RBFOX1: variants seen among roughly 807,000 people sequenced by gnomAD.
The protein encoded by RBFOX1 is RNA binding protein fox-1 homolog 1.
Under a neutral mutation model 57.7 loss-of-function variants are expected in RBFOX1, and 8 were observed. That is an observed-to-expected ratio of 0.14 (90% CI 0.08 to 0.25). The LOEUF (loss-of-function observed/expected upper bound fraction) is 0.25, where lower values mean the gene tolerates loss of function less well. Among genes scored for constraint, RBFOX1 ranks in the 10% least tolerant of loss-of-function variants. The pLI, the probability that RBFOX1 is intolerant of heterozygous loss-of-function variation, is 1.00. For missense variants in RBFOX1, 611 were observed against 548.5 expected (o/e 1.11, Z -1.14); for synonymous variants, 326 against 222.4 (o/e 1.47, Z -4.15).
intron 4 of RBFOX1, among the ~76,000 whole-genome samples, chr16:7,388,104 A>G (rs796413805): frequency 8.5e-5 from 13 of 152,228 alleles, no homozygotes; most frequent in African/African-American, 2.9e-4. Context: ...TCAAGATCAT[A>G]TAAACATAAT....
chr16:6,807,808 C>G (rs2087241782), intron 3 of RBFOX1, among the ~76,000 whole-genome samples: 1 of 151,444 alleles, frequency 6.6e-6, no homozygotes, highest in South Asian at 2.1e-4. Flanking sequence ...GAGCGAGACT[C>G]CATCTCAAAA....
chr16:5,957,791 G>C (rs1032438715), intron 4 of RBFOX1, among the ~76,000 whole-genome samples: 1 of 152,052 alleles, frequency 6.6e-6, no homozygotes, highest in Non-Finnish European at 1.5e-5. Context: ...CCATCCCTTT[G>C]AGCATTGATC....
rs112307720 is a variant in RBFOX1, at chr16:7,457,842, A to G, written c.28-60305A>G. On this transcript the variant is annotated intron_variant, in intron 4 of 15. Coordinates refer to ENST00000550418, the MANE Select transcript of RBFOX1 (RefSeq NM_018723.4). ...TTAAAAAAAAAATAGCATCTTTGAT[A>G]TGATCCACTTGGCCACAGCAGCTTC... Among the ~76,000 whole-genome samples the G allele has an allele frequency of 5.0e-3, 760 of 152,262 alleles. 4 individuals are homozygous for G. The highest frequency in any genetic ancestry group is 0.017 in the African/African-American group (695 of 41,542).
chr16:5,327,070 C>A (rs998426720), intron 1 of RBFOX1, among the ~76,000 whole-genome samples: 1 of 152,146 alleles, frequency 6.6e-6, no homozygotes, highest in Admixed American at 6.6e-5. Flanking sequence ...TAAAGTAGAA[C>A]AAGGAGATCG....
intron 2 of RBFOX1, among the ~76,000 whole-genome samples, chr16:5,571,174 T>C (rs1449588394): frequency 2.0e-5 from 3 of 151,496 alleles, no homozygotes; most frequent in African/African-American, 7.3e-5. Flanking sequence ...TGTAACTCTC[T>C]TACTCCCTTG....
intron 3 of RBFOX1, among the ~76,000 whole-genome samples, chr16:6,807,973 A>G (rs1279924588): frequency 6.7e-6 from 1 of 149,022 alleles, no homozygotes; most frequent in Non-Finnish European, 1.5e-5. Flanking sequence ...TAATATGCGT[A>G]TTGTACCCTG....
At chr16:5,934,523 C>T (rs1373579890) in intron 4 of RBFOX1, among the ~76,000 whole-genome samples, 1 of 152,222 alleles carries the variant, frequency 6.6e-6, no homozygotes, top group East Asian at 1.9e-4. Context: ...TAGTCCACGA[C>T]TCACGTTGCA....
Position 7,519,803 on chromosome 16 carries a change from C to A in RBFOX1, c.270+1414C>A, listed in dbSNP as rs1044532010. On this transcript the variant is annotated intron_variant, in intron 5 of 15. Coordinates refer to ENST00000550418, the MANE Select transcript of RBFOX1 (RefSeq NM_018723.4). ...TATGGCTTTGAAGCATGATACATTT[C>A]CTGTGATAAAAGAAAACACTGACTA... 3 of 831,936 alleles carry A rather than the reference C, an allele frequency of 3.6e-6. No individual in the cohort carries two copies. The South Asian group carries it at 1.6e-4, about 45-fold the overall frequency. The allele number at this position is 831,936 out of a possible 1,614,324, so 51.5% of individuals were successfully genotyped here. A position where few individuals can be genotyped will look rare whatever the true frequency, so the allele number is the denominator to read the frequency against.
intron 4 of RBFOX1, among the ~76,000 whole-genome samples, chr16:7,146,905 C>G (rs555475222): frequency 1.4e-5 from 2 of 144,586 alleles, no homozygotes; most frequent in Non-Finnish European, 3.0e-5. Context: ...GCCATGTTTG[C>G]GCCATTATAC....
intron 4 of RBFOX1, among the ~76,000 whole-genome samples, chr16:7,063,025 A>G (rs1300574396): frequency 6.7e-6 from 1 of 148,522 alleles, no homozygotes; most frequent in Non-Finnish European, 1.5e-5. Context: ...TGCAGAGCCA[A>G]GAGTTTGGTT....
intron 4 of RBFOX1, among the ~76,000 whole-genome samples, chr16:7,236,632 C>T (rs146708498): frequency 1.3e-5 from 2 of 152,148 alleles, no homozygotes; most frequent in African/African-American, 4.8e-5. Flanking sequence ...CTTCCCAAAT[C>T]ATGAAGTCTA....
chr16:7,449,734 G>GA (rs1168747381), intron 4 of RBFOX1, among the ~76,000 whole-genome samples: 2 of 141,628 alleles, frequency 1.4e-5, no homozygotes, highest in Admixed American at 7.1e-5. Flanking sequence ...GTGTGTGGGG[G>GA]GGGGGGGTTG....
chr16:7,517,589 C>G (rs1022368526), intron 4 of RBFOX1, among the ~76,000 whole-genome samples: 3 of 151,898 alleles, frequency 2.0e-5, no homozygotes, highest in Non-Finnish European at 4.4e-5. Flanking sequence ...AACACACAAC[C>G]ACACAGACAC....
chr16:5,745,241 C>T (rs577056372), intron 3 of RBFOX1, among the ~76,000 whole-genome samples: 11 of 152,268 alleles, frequency 7.2e-5, no homozygotes, highest in East Asian at 3.9e-4. Flanking sequence ...TGGTTTCCAG[C>T]TTCATCCATG....
chr16:7,192,630 T>G (rs905817578), intron 4 of RBFOX1, among the ~76,000 whole-genome samples: 1 of 152,074 alleles, frequency 6.6e-6, no homozygotes, highest in African/African-American at 2.4e-5. Flanking sequence ...ACTAATGCAA[T>G]AGACAGTTTA....
At chr16:5,243,330 G>C (rs751807336) in intron 1 of RBFOX1, among the ~76,000 whole-genome samples, 1 of 152,126 alleles carries the variant, frequency 6.6e-6, no homozygotes, top group Non-Finnish European at 1.5e-5. Context: ...CCTGATGGAC[G>C]CACCAGATAA....
intron 4 of RBFOX1, among the ~76,000 whole-genome samples, chr16:7,185,555 G>C (rs1252987134): frequency 6.6e-6 from 1 of 152,192 alleles, no homozygotes; most frequent in Non-Finnish European, 1.5e-5. Flanking sequence ...TTCTTGGCCA[G>C]ATGGGATACA....
At chr16:7,285,831 C>G (rs929202891) in intron 4 of RBFOX1, among the ~76,000 whole-genome samples, 1 of 152,180 alleles carries the variant, frequency 6.6e-6, no homozygotes, top group African/African-American at 2.4e-5. Context: ...ATAAATAAAA[C>G]TGTTACAAAT....
chr16:6,484,001 C>G (rs897175403), intron 2 of RBFOX1: 19 of 968,750 alleles, frequency 2.0e-5, no homozygotes, highest in Non-Finnish European at 2.4e-5. Flanking sequence ...GTGGTCTGGA[C>G]ACTTGGAGAG....
Sources: gnomAD v4.1 joint callset for allele counts (sites outside exome capture counted in the v4.1 genomes callset) on GRCh38, gnomAD v4.1.1 for gene constraint, MANE v1.5 for transcripts, NCBI Gene and HGNC (gene_info 2026-07-23, HGNC 2026-07-21) for gene names.